Variants in CNGB3 observed in about 807,000 individuals in gnomAD.
CNGB3 encodes the protein cyclic nucleotide-gated channel beta-3.
CNGB3 carries 86 observed loss-of-function variants against 92.8 expected under a neutral mutation model. That is an observed-to-expected ratio of 0.93 (90% confidence interval 0.78 to 1.11). CNGB3 has a LOEUF of 1.11. Among genes scored for constraint, CNGB3 ranks in the 50% least tolerant of loss-of-function variants. CNGB3 has a pLI of 0.00. For missense variants in CNGB3, 1,026 were observed against 956.8 expected (o/e 1.07, Z -0.95); for synonymous variants, 333 against 332.7 (o/e 1.00, Z -0.01).
At chr8:86,592,267 T>A (rs1822062461) in intron 15 of CNGB3, among the ~76,000 whole-genome samples, 1 of 150,766 alleles carries the variant, frequency 6.6e-6, no homozygotes, top group Non-Finnish European at 1.5e-5. Flanking sequence ...ATGAACCCGG[T>A]ACCTCAGATG....
In CNGB3 at chr8:86,581,634, T is replaced by A. The variant is rs140016500; in HGVS notation, c.1782-2382A>T. Among the ~76,000 whole-genome samples the A allele has an allele frequency of 8.6e-4, 131 of 152,290 alleles. 2 individuals carry two copies. The highest frequency in any genetic ancestry group is 2.9e-3 in the African/African-American group (121 of 41,550). On this transcript the variant is annotated intron_variant, in intron 15 of 17. Coordinates refer to ENST00000320005, the MANE Select transcript of CNGB3 (RefSeq NM_019098.5). ...GACTTCCTGTCTTATCTAAGGGAGATGGAAAGCTAAGAAACTCCTGTGAAT... is the reference window on the plus strand; with the variant it reads ...GACTTCCTGTCTTATCTAAGGGAGAAGGAAAGCTAAGAAACTCCTGTGAAT...
At chr8:86,624,711 A>T (rs1822810588) in intron 13 of CNGB3, among the ~76,000 whole-genome samples, 4 of 152,180 alleles carry the variant, frequency 2.6e-5, no homozygotes, top group Admixed American at 2.6e-4. Flanking sequence ...GCTCAAATGC[A>T]TTTAATCAGA....
intron 3 of CNGB3, among the ~76,000 whole-genome samples, chr8:86,713,436 G>A (rs1162614465): frequency 6.6e-6 from 1 of 152,090 alleles, no homozygotes; most frequent in African/African-American, 2.4e-5. Context: ...TGCACTTTGG[G>A]CATAGTATAT....
At chr8:86,691,295 G>C (rs1346348656) in intron 3 of CNGB3, among the ~76,000 whole-genome samples, 2 of 152,000 alleles carry the variant, frequency 1.3e-5, no homozygotes, top group African/African-American at 4.8e-5. Context: ...GGGTTTTCTA[G>C]GTATACAATC....
intron 3 of CNGB3, among the ~76,000 whole-genome samples, chr8:86,709,378 T>C (rs1177430982): frequency 6.6e-6 from 1 of 152,208 alleles, no homozygotes; most frequent in Non-Finnish European, 1.5e-5. Flanking sequence ...TGTTTCTCTA[T>C]TGTCTGTCAA....
Position 86,694,500 on chromosome 8 carries a change from A to G in CNGB3, c.339-23402T>C, listed in dbSNP as rs1302583818. ...CGGACGGAGGGTCTCCTCACTTCTC[A>G]GATGGGGCGGCTGCCGGGTGGCGGG... On this transcript the variant is annotated intron_variant, in intron 3 of 17. Coordinates refer to ENST00000320005, the MANE Select transcript of CNGB3 (RefSeq NM_019098.5). Among the ~76,000 whole-genome samples the G allele has an allele frequency of 4.2e-4, 63 of 148,932 alleles. 1 individual carries two copies. The highest frequency in any genetic ancestry group is 8.9e-5 in the Non-Finnish European group (6 of 67,236).
chr8:86,669,598 G>A (rs61139402), intron 4 of CNGB3, among the ~76,000 whole-genome samples: 4,805 of 152,024 alleles, frequency 0.032, 249 homozygotes, highest in African/African-American at 0.11. Flanking sequence ...TATCTTTATC[G>A]AAGTATAATA....
chr8:86,671,677 G>C (rs906798540), intron 3 of CNGB3, among the ~76,000 whole-genome samples: 1 of 152,226 alleles, frequency 6.6e-6, no homozygotes, highest in Non-Finnish European at 1.5e-5. Flanking sequence ...GTGAAGAAGA[G>C]GGTCACCTGG....
At chr8:86,647,954 G>A (rs752705249) in intron 7 of CNGB3, 67 bp from the exon 8 acceptor site, 13 of 929,276 alleles carry the variant, frequency 1.4e-5, no homozygotes, top group Middle Eastern at 2.1e-4. Context: ...ATGGATTTAC[G>A]CTGATGTCTG....
At chr8:86,595,018 A>G (rs1385624477) in intron 15 of CNGB3, among the ~76,000 whole-genome samples, 5 of 152,186 alleles carry the variant, frequency 3.3e-5, no homozygotes, top group Non-Finnish European at 5.9e-5. Context: ...CACCGCACCC[A>G]GCTGGTGAGG....
chr8:86,694,748 G>T (rs558082159), intron 3 of CNGB3, among the ~76,000 whole-genome samples: 1 of 151,316 alleles, frequency 6.6e-6, no homozygotes, highest in Non-Finnish European at 1.5e-5. Context: ...GGATGGCGGC[G>T]GGGAAGAGGC....
chr8:86,593,650 T>G (rs1011333121), intron 15 of CNGB3: 2 of 521,238 alleles, frequency 3.8e-6, no homozygotes, highest in Non-Finnish European at 7.1e-6. Flanking sequence ...CCCACTGAGG[T>G]GGACCCTAAT....
chr8:86,602,774 T>G (rs1822333059), intron 15 of CNGB3, among the ~76,000 whole-genome samples: 1 of 152,220 alleles, frequency 6.6e-6, no homozygotes, highest in African/African-American at 2.4e-5. Context: ...CTGTATCTTT[T>G]CCACATAGCT....
intron 13 of CNGB3, among the ~76,000 whole-genome samples, chr8:86,620,354 C>A (rs1822700361): frequency 6.6e-6 from 1 of 152,104 alleles, no homozygotes; most frequent in South Asian, 2.1e-4. Context: ...ATCAGCAGGT[C>A]TGGTTTCTTC....
At chr8:86,656,092 AT>A (rs1823501328) in intron 6 of CNGB3, among the ~76,000 whole-genome samples, 2 of 152,348 alleles carry the variant, frequency 1.3e-5, no homozygotes, top group African/African-American at 4.8e-5. Context: ...ACAGAAATAT[AT>A]TAGAAAATAT....
intron 3 of CNGB3, among the ~76,000 whole-genome samples, chr8:86,675,384 T>G: frequency 6.6e-6 from 1 of 152,052 alleles, no homozygotes; most frequent in Admixed American, 6.5e-5. Context: ...ATTCTACAAA[T>G]TTTGATAAAC....
At chr8:86,592,125 T>G (rs1822058839) in intron 15 of CNGB3, among the ~76,000 whole-genome samples, 1 of 152,176 alleles carries the variant, frequency 6.6e-6, no homozygotes, top group South Asian at 2.1e-4. Flanking sequence ...CGTCACCCCT[T>G]TCTTTGATTA....
intron 6 of CNGB3, among the ~76,000 whole-genome samples, chr8:86,663,647 G>A (rs1190090302): frequency 6.6e-6 from 1 of 152,188 alleles, no homozygotes; most frequent in Non-Finnish European, 1.5e-5. Flanking sequence ...TGATTCAGTG[G>A]TGTTACCAAT....
At chr8:86,603,995 C>G (rs1168398320) in intron 15 of CNGB3, 98 bp downstream of exon 15, 15 of 811,968 alleles carry the variant, frequency 1.8e-5, no homozygotes, top group Non-Finnish European at 2.8e-5. Flanking sequence ...CACAATCAAA[C>G]CTTTGATAAA....
Sources: allele counts gnomAD v4.1 joint callset (sites outside exome capture counted in the v4.1 genomes callset), GRCh38; gene constraint gnomAD v4.1.1; transcripts MANE v1.5; gene names NCBI Gene and HGNC (gene_info 2026-07-23, HGNC 2026-07-21).